The following TNIK variants were observed in gnomAD, a reference collection of about 807,000 sequenced individuals.
TNIK encodes the protein TRAF2 and NCK-interacting protein kinase.
In TNIK, 49 loss-of-function variants were observed where a neutral mutation model predicts 191.3. The observed-to-expected ratio is 0.26, with a 90% CI of 0.20 to 0.32. The LOEUF (loss-of-function observed/expected upper bound fraction) is 0.32. Among genes scored for constraint, TNIK ranks in the 10% least tolerant of loss-of-function variants. The pLI, the probability that TNIK is intolerant of heterozygous loss-of-function variation, is 1.00. For synonymous variants in TNIK, 594 were observed against 600.9 expected, an observed-to-expected ratio of 0.99 and a Z score of 0.17; for missense variants, 1,155 against 1,702.3, an observed-to-expected ratio of 0.68 and a Z score of 5.66.
chr3:171,131,399 G>A (rs562924040), intron 15 of TNIK, among the ~76,000 whole-genome samples: 36 of 138,402 alleles, frequency 2.6e-4, no homozygotes, highest in African/African-American at 9.2e-4. Context: ...AGAAACTAGG[G>A]TACTGGTTTT....
chr3:171,459,919 TGCCCCA>T, intron 1 of TNIK, 82 bp downstream of exon 1: 20 of 497,192 alleles, frequency 4.0e-5, no homozygotes, highest in Non-Finnish European at 7.4e-5. Context: ...GCTGTCCCCC[TGCCCCA>T]GCCCCAGCCC....
chr3:171,313,822 TA>T (rs1044640027), intron 2 of TNIK, among the ~76,000 whole-genome samples: 5 of 152,132 alleles, frequency 3.3e-5, no homozygotes, highest in African/African-American at 1.2e-4. Flanking sequence ...ATGAATGACT[TA>T]AAGACACATC....
chr3:171,067,432 A>G (rs1718586968), intron 30 of TNIK, among the ~76,000 whole-genome samples: 1 of 152,148 alleles, frequency 6.6e-6, no homozygotes, highest in South Asian at 2.1e-4. Flanking sequence ...GCACTTTGGG[A>G]GGCCGAGGCG....
chr3:171,215,155 C>CA (rs1741307372), intron 3 of TNIK, among the ~76,000 whole-genome samples: 1 of 152,150 alleles, frequency 6.6e-6, no homozygotes, highest in South Asian at 2.1e-4. Context: ...ACCAACCCTT[C>CA]AACCCCCATG....
intron 2 of TNIK, among the ~76,000 whole-genome samples, chr3:171,325,977 A>G (rs915462168): frequency 6.6e-6 from 1 of 152,200 alleles, no homozygotes; most frequent in African/African-American, 2.4e-5. Context: ...TCCAGAATTC[A>G]TAACAACTGA....
chr3:171,346,077 G>A (rs1021885693), intron 2 of TNIK, among the ~76,000 whole-genome samples: 4 of 152,130 alleles, frequency 2.6e-5, no homozygotes, highest in Admixed American at 2.0e-4. Context: ...CTAATAAAAT[G>A]ACATTTGAGT....
chr3:171,128,704 C>T lies in TNIK; in HGVS notation c.1773+10G>A. ...ATTGGAATGCCTGATGGAATGGAGG[C>T]AGACTGTACCTGGGGATCGACTGGT... On this transcript the variant is annotated intron_variant, in intron 16 of 32. Coordinates refer to ENST00000436636, the MANE Select transcript of TNIK (RefSeq NM_015028.4). 1.9e-6 allele frequency: 3 copies of T among 1,603,582 alleles called. No individual in the cohort carries two copies. The highest frequency in any genetic ancestry group is 2.6e-6 in the Non-Finnish European group (3 of 1,174,510).
chr3:171,177,191 T>C, intron 8 of TNIK, 135 bp downstream of exon 8: 1 of 759,088 alleles, frequency 1.3e-6, no homozygotes, highest in Non-Finnish European at 1.9e-6. Context: ...ATGACTCTGC[T>C]TTCTAAATAT....
chr3:171,294,234 A>T (rs983396477), intron 2 of TNIK, among the ~76,000 whole-genome samples: 1 of 64,970 alleles, frequency 1.5e-5, no homozygotes, highest in African/African-American at 4.2e-5. Context: ...GTCTCAAAAC[A>T]AACAAACAAA....
chr3:171,170,468 T>A (rs9864961), intron 9 of TNIK, among the ~76,000 whole-genome samples: 27,545 of 152,194 alleles, frequency 0.18, 4,118 homozygotes, highest in African/African-American at 0.4. Flanking sequence ...ACCCTCTTCC[T>A]TTACTTTGAG....
At position 171,220,100 on chromosome 3, in the gene TNIK, G is replaced by A. The variant is rs141165171; in HGVS notation, c.180+8065C>T. 3.3e-3 allele frequency among the ~76,000 whole-genome samples: 508 copies of A among 152,240 alleles called. 2 individuals carry two copies. Among genetic ancestry groups the A allele is most frequent in the African/African-American group, 0.012 (496 of 41,542 alleles). Reference sequence around the variant, plus strand: ...AGTTCATGTCCTTTGCAGGGACATGGGTGAAGCTGGAAACCATCATTCTCA... The same window carrying A: ...AGTTCATGTCCTTTGCAGGGACATGAGTGAAGCTGGAAACCATCATTCTCA... On this transcript the variant is annotated intron_variant, in intron 3 of 32. Transcript: ENST00000436636.
intron 28 of TNIK, 23 bp downstream of exon 28, chr3:171,079,495 T>C (rs746644977): frequency 1.8e-5 from 29 of 1,604,998 alleles, no homozygotes; most frequent in South Asian, 2.3e-5. Context: ...ACCAAACTTA[T>C]AATTCCATGT....
chr3:171,067,672 C>CAA (rs750331814), intron 30 of TNIK, among the ~76,000 whole-genome samples: 9 of 78,708 alleles, frequency 1.1e-4, no homozygotes, highest in Middle Eastern at 6.3e-3. Context: ...ACTCCGTATC[C>CAA]AAAAAAAAAA....
chr3:171,441,361 G>A (rs67606305), intron 1 of TNIK, among the ~76,000 whole-genome samples: 18,911 of 152,082 alleles, frequency 0.12, 3,125 homozygotes, highest in African/African-American at 0.38. Context: ...TTCTACCTCC[G>A]TAGATTTGCA....
intron 2 of TNIK, among the ~76,000 whole-genome samples, chr3:171,335,407 TTC>T (rs1577521869): frequency 6.6e-6 from 1 of 152,322 alleles, no homozygotes; most frequent in East Asian, 1.9e-4. Flanking sequence ...TCCTAAAAAG[TTC>T]TCTCATGCCC....
rs1287669917 is a variant in TNIK, at chr3:171,082,311, G to A, written c.3253C>T (p.Arg1085Trp). ...GQGKVYNLIN[R>W]RRFQQMDVLE... The stretch of plus-strand genomic sequence containing the variant: ...ACATCCATCTGCTGAAATCGCCTCC[G>A]GTTGATCAGATTATAGACTTTGCCT... The change falls in exon 27 of 33, where the codon CGG (arginine) becomes TGG (tryptophan). Residue 1085 changes from arginine (R) to tryptophan (W), a missense_variant. Physicochemically the swap from Arg to Trp is moderately radical, Grantham distance 101 (BLOSUM62 -3). This residue lies in a region of TNIK where 195 missense variants were observed against 415.4 expected (regional missense o/e 0.47). Coordinates refer to ENST00000436636, the MANE Select transcript of TNIK (RefSeq NM_015028.4). 7.4e-6 allele frequency: 12 copies of A among 1,613,762 alleles called. No homozygotes were observed. Among genetic ancestry groups the A allele is most frequent in the Non-Finnish European group, 9.3e-6 (11 of 1,179,798 alleles).
chr3:171,407,926 G>A (rs1223331239), intron 1 of TNIK, among the ~76,000 whole-genome samples: 1 of 152,116 alleles, frequency 6.6e-6, no homozygotes, highest in Admixed American at 6.6e-5. Flanking sequence ...AGCAATCATG[G>A]TTCTGAGTCA....
At chr3:171,188,679 GA>G (rs1737668722) in intron 7 of TNIK, 22 bp downstream of exon 7, 2 of 1,611,738 alleles carry the variant, frequency 1.2e-6, no homozygotes, top group Non-Finnish European at 1.7e-6. Context: ...GCATAGTTTT[GA>G]AACACGACAA....
intron 18 of TNIK, among the ~76,000 whole-genome samples, chr3:171,113,657 T>C (rs1332400861): frequency 6.6e-6 from 1 of 151,438 alleles, no homozygotes; most frequent in African/African-American, 2.4e-5. Context: ...GGTAGGCTAC[T>C]ACTCCCATTA....
Sources: gnomAD v4.1 joint callset for allele counts (sites outside exome capture counted in the v4.1 genomes callset) on GRCh38, gnomAD v4.1.1 for gene constraint, gnomAD v4.1.1 regional missense constraint, MANE v1.5 for transcripts, NCBI Gene and HGNC (gene_info 2026-07-23, HGNC 2026-07-21) for gene names.